Variants in NR2F1-AS1 observed in about 807,000 individuals in gnomAD.
NR2F1-AS1 encodes the protein NR2F1 antisense RNA 1.
chr5:93,467,684 T>A (rs1750268732), intron 4 of NR2F1-AS1, among the ~76,000 whole-genome samples: 1 of 152,244 alleles, frequency 6.6e-6, no homozygotes, highest in South Asian at 2.1e-4. Context: ...ATAATTCTTT[T>A]TTATTATTAT....
chr5:93,490,663 T>C (rs537912204), intron 4 of NR2F1-AS1, among the ~76,000 whole-genome samples: 321 of 150,456 alleles, frequency 2.1e-3, no homozygotes, highest in Non-Finnish European at 2.6e-3. Context: ...ATGGTGGTTG[T>C]AGTCATGGTG....
intron 4 of NR2F1-AS1, among the ~76,000 whole-genome samples, chr5:93,522,209 T>A (rs539396686): frequency 4.1e-4 from 62 of 151,852 alleles, no homozygotes; most frequent in African/African-American, 1.4e-3. Flanking sequence ...TACCTGAGGG[T>A]GGAGGGTGGG....
rs1470571537 is a variant in NR2F1-AS1 at position 93,429,276 on chromosome 5, AC to A, written n.639-33735del. 5.3e-5 allele frequency among the ~76,000 whole-genome samples: 8 copies of A among 152,308 alleles called. No homozygotes were observed. The East Asian group carries it at 1.5e-3, about 29-fold the overall frequency. On this transcript the variant is annotated intron_variant and non_coding_transcript_variant, in intron 4 of 5. Coordinates refer to ENST00000660523, the Ensembl canonical transcript of NR2F1-AS1. ...TAATAACACTAACCTCTAAAACTCT[AC>A]GAAATAACAAATATCTACTTCCTTG...
intron 4 of NR2F1-AS1, among the ~76,000 whole-genome samples, chr5:93,526,585 C>T (rs1490915086): frequency 6.6e-6 from 1 of 152,020 alleles, no homozygotes. Flanking sequence ...AACATCGATG[C>T]AAAAATCCTC....
chr5:93,553,640 G>A (rs927844339), intron 4 of NR2F1-AS1: 2 of 152,186 alleles, frequency 1.3e-5, no homozygotes, highest in African/African-American at 4.8e-5. Flanking sequence ...GAAGCATCAT[G>A]GTTCAACATT....
chr5:93,480,214 C>T (rs905307928), intron 4 of NR2F1-AS1, among the ~76,000 whole-genome samples: 1 of 152,120 alleles, frequency 6.6e-6, no homozygotes, highest in Non-Finnish European at 1.5e-5. Context: ...CACAAAGACA[C>T]ATTATAATCA....
chr5:93,429,586 C>A (rs1484542647), intron 4 of NR2F1-AS1, among the ~76,000 whole-genome samples: 1 of 152,170 alleles, frequency 6.6e-6, no homozygotes, highest in Non-Finnish European at 1.5e-5. Flanking sequence ...TTTCTGAGCT[C>A]TTTTGCATCT....
chr5:93,468,458 G>C (rs572594206), intron 4 of NR2F1-AS1, among the ~76,000 whole-genome samples: 23 of 152,324 alleles, frequency 1.5e-4, no homozygotes, highest in African/African-American at 4.3e-4. Context: ...CTTTTGAGAA[G>C]TGTCTGTTCA....
intron 4 of NR2F1-AS1, among the ~76,000 whole-genome samples, chr5:93,450,567 G>T (rs561252980): frequency 6.6e-6 from 1 of 152,196 alleles, no homozygotes; most frequent in South Asian, 2.1e-4. Context: ...GTAACTAAAA[G>T]ATCTATATCA....
chr5:93,583,486 T>G (rs1031515502), upstream of NR2F1-AS1: 1 of 151,940 alleles, frequency 6.6e-6, no homozygotes, highest in African/African-American at 2.4e-5. Context: ...CCTTGTCTCT[T>G]TTACTCCATT....
intron 4 of NR2F1-AS1, among the ~76,000 whole-genome samples, chr5:93,431,057 T>C (rs1749302907): frequency 6.6e-6 from 1 of 152,186 alleles, no homozygotes; most frequent in Non-Finnish European, 1.5e-5. Flanking sequence ...TGAAAAAGCC[T>C]TGAGCATTTT....
At chr5:93,462,173 T>A (rs1750109669) in intron 4 of NR2F1-AS1, among the ~76,000 whole-genome samples, 2 of 152,194 alleles carry the variant, frequency 1.3e-5, no homozygotes, top group African/African-American at 4.8e-5. Context: ...CATCTTGAAT[T>A]GTAACCCCCA....
intron 4 of NR2F1-AS1, among the ~76,000 whole-genome samples, chr5:93,539,302 T>C (rs1344894964): frequency 2.0e-5 from 3 of 152,038 alleles, no homozygotes; most frequent in Non-Finnish European, 2.9e-5. Context: ...ACATTTTCAC[T>C]CCCATGTTTA....
At chr5:93,564,132 AAAAAAAAAAAAAAAAAAAC>A (rs1752562068) in intron 1 of NR2F1-AS1, among the ~76,000 whole-genome samples, 4 of 125,276 alleles carry the variant, frequency 3.2e-5, no homozygotes, top group African/African-American at 1.4e-4. Flanking sequence ...AAAAAAAAAA[AAAAAAAAAAAAAAAAAAAC>A]ACACAACTAC....
At chr5:93,526,876 C>T (rs1751629832) in intron 4 of NR2F1-AS1, among the ~76,000 whole-genome samples, 1 of 152,024 alleles carries the variant, frequency 6.6e-6, no homozygotes, top group Non-Finnish European at 1.5e-5. Context: ...TATAACAAAC[C>T]CACAGCCAAT....
In NR2F1-AS1 at chr5:93,455,731, C is replaced by A. The variant is rs578150047; in HGVS notation, n.639-60189G>T. On this transcript the variant is annotated intron_variant and non_coding_transcript_variant, in intron 4 of 5. Transcript: ENST00000660523. ...TCATATTAAGTAACACACACATATACAAACACAAAGGATCATCTCAAAAGA... is the reference window on the plus strand; with the variant it reads ...TCATATTAAGTAACACACACATATAAAAACACAAAGGATCATCTCAAAAGA... 3.9e-5 allele frequency among the ~76,000 whole-genome samples: 6 copies of A among 151,934 alleles called. No homozygotes were observed. In the South Asian group the frequency reaches 1.3e-3, roughly 32 times the overall value.
At chr5:93,562,506 C>T (rs1752516153) in intron 2 of NR2F1-AS1, among the ~76,000 whole-genome samples, 1 of 152,056 alleles carries the variant, frequency 6.6e-6, no homozygotes, top group Non-Finnish European at 1.5e-5. Flanking sequence ...GTTGCCCAGG[C>T]TAGTCTCGAA....
intron 1 of NR2F1-AS1, among the ~76,000 whole-genome samples, chr5:93,580,230 C>T (rs1270668223): frequency 6.6e-6 from 1 of 152,240 alleles, no homozygotes; most frequent in Non-Finnish European, 1.5e-5. Context: ...TCGCCTGGCA[C>T]GATCCTCCCC....
At chr5:93,441,566 G>T (rs1312258866) in intron 4 of NR2F1-AS1, among the ~76,000 whole-genome samples, 2 of 152,174 alleles carry the variant, frequency 1.3e-5, no homozygotes, top group African/African-American at 4.8e-5. Context: ...GAAATGAAAT[G>T]ATTTCAGAAA....
Sources: allele counts gnomAD v4.1 joint callset (sites outside exome capture counted in the v4.1 genomes callset), GRCh38; gene constraint gnomAD v4.1.1; transcripts MANE v1.5; gene names NCBI Gene and HGNC (gene_info 2026-07-23, HGNC 2026-07-21).